Variants in RAET1E observed in about 807,000 individuals in gnomAD.
RAET1E encodes the protein NKG2D ligand 4.
In RAET1E, 27 loss-of-function variants were observed where a neutral mutation model predicts 21.1. That is an observed-to-expected ratio of 1.28 (90% confidence interval 0.94 to 1.76). The LOEUF is 1.76. RAET1E is among the 40% of genes most tolerant of loss of function. The pLI is 0.00. For synonymous variants in RAET1E, 113 were observed against 115.0 expected, an observed-to-expected ratio of 0.98 and a Z score of 0.11; for missense variants, 310 against 311.3, an observed-to-expected ratio of 1.00 and a Z score of 0.03.
rs1163810877 is a variant in RAET1E at position 149,886,556 on chromosome 6, G to A, written c.*1942C>T. Among the ~76,000 whole-genome samples the A allele has an allele frequency of 2.6e-5, 4 of 152,096 alleles. No homozygotes were observed. The highest frequency in any genetic ancestry group is 4.1e-4 in the South Asian group (2 of 4,828). ...ATTACAGGCCCATGCCACCACACCC[G>A]GCTAATTTTTGTATTTTTAGTAGAG... On this transcript the variant is annotated 3_prime_UTR_variant, in exon 6 of 6. Coordinates refer to ENST00000357183, the MANE Select transcript of RAET1E (RefSeq NM_001394057.1).
rs1777499373 is a variant in RAET1E, at chr6:149,883,848, G to A, written c.*4650C>T. The A allele has an allele frequency of 1.3e-5, 2 of 152,730 alleles. No homozygotes were observed. Among genetic ancestry groups the A allele is most frequent in the South Asian group, 2.1e-4 (1 of 4,840 alleles). 9.5% of individuals were successfully genotyped at this position (152,730 alleles called of 1,614,324 possible). A position where few individuals can be genotyped will look rare whatever the true frequency, so the allele number is the denominator to read the frequency against. On this transcript the variant is annotated 3_prime_UTR_variant, in exon 6 of 6. Transcript: ENST00000357183. ...AATTTCAGTGTAATGTGAATTGCAC[G>A]TTTGCTTATGAGTAACTTAGTCTGT...
rs542625077 is a variant in RAET1E, at chr6:149,891,188, A to G, written c.-133-154T>C. Among the ~76,000 whole-genome samples the G allele has an allele frequency of 4.1e-4, 39 of 95,352 alleles. No individual in the cohort carries two copies. In the South Asian group the frequency reaches 0.013, roughly 32 times the overall value. The allele number at this position is 95,352 out of a possible 152,430, so 62.6% of individuals were successfully genotyped here. On this transcript the variant is annotated intron_variant, in intron 2 of 5. Transcript: ENST00000357183. ...CTCTCCTGTCCCTGCTGCCCCTGCAAAAAAAACCCCCTCTGGTGTGAGCAG... is the reference window on the plus strand; with the variant it reads ...CTCTCCTGTCCCTGCTGCCCCTGCAGAAAAAACCCCCTCTGGTGTGAGCAG...
chr6:149,889,790 A>G (rs1423997163), intron 4 of RAET1E, 95 bp downstream of exon 4: 20 of 1,515,282 alleles, frequency 1.3e-5, no homozygotes, highest in Admixed American at 3.6e-5. Context: ...GCCAATGATC[A>G]ATACACAGAT....
At chr6:149,893,530 G>T (rs1777995159) in intron 2 of RAET1E, among the ~76,000 whole-genome samples, 1 of 152,172 alleles carries the variant, frequency 6.6e-6, no homozygotes, top group African/African-American at 2.4e-5. Context: ...AGGAATGCTT[G>T]TGATTTTTGC....
At chr6:149,892,539 AT>A (rs1031821816) in intron 2 of RAET1E, among the ~76,000 whole-genome samples, 2 of 152,084 alleles carry the variant, frequency 1.3e-5, no homozygotes, top group Non-Finnish European at 2.9e-5. Context: ...TACTTTGCCC[AT>A]TTTTTGATGG....
intron 2 of RAET1E, among the ~76,000 whole-genome samples, chr6:149,895,153 G>C (rs990490457): frequency 1.3e-5 from 2 of 152,312 alleles, no homozygotes; most frequent in Middle Eastern, 3.4e-3. Context: ...TGGGGCACCT[G>C]CCAGATGCCA....
In RAET1E at chr6:149,888,668, C is replaced by CG; in HGVS notation, c.623-2_623-1insC. ...ATATCTGAAGCATTTACTGGTGACACTAAAAAAAAAAAAAAAAAGAAAAAA... is the reference window on the plus strand; with the variant it reads ...ATATCTGAAGCATTTACTGGTGACACGTAAAAAAAAAAAAAAAAAGAAAAAA... On this transcript the variant is annotated splice_acceptor_variant, in intron 5 of 5. Coordinates refer to ENST00000357183, the MANE Select transcript of RAET1E (RefSeq NM_001394057.1). LOFTEE classifies it high-confidence loss of function. The CG allele has an allele frequency of 8.2e-7, 1 of 1,213,318 alleles. No homozygotes were observed. Among genetic ancestry groups the CG allele is most frequent in the Non-Finnish European group, 1.0e-6 (1 of 960,696 alleles). 75.2% of individuals were successfully genotyped at this position (1,213,318 alleles called of 1,614,324 possible).
intron 1 of RAET1E, among the ~76,000 whole-genome samples, 188 bp downstream of exon 1, chr6:149,897,833 C>T (rs866091541): frequency 1.3e-5 from 2 of 152,070 alleles, no homozygotes; most frequent in African/African-American, 4.8e-5. Flanking sequence ...AGAGCCACCC[C>T]GTCCTCCCTG....
At position 149,890,943 on chromosome 6, in the gene RAET1E, T is replaced by C. The variant is rs1777867473; in HGVS notation, c.-42A>G. On this transcript the variant is annotated 5_prime_UTR_variant, in exon 3 of 6. Coordinates refer to ENST00000357183, the MANE Select transcript of RAET1E (RefSeq NM_001394057.1). ...GGCAGGAAGCTGGGCGTGTACACAT[T>C]CACCCTCACTGGTATGGTGAAGAAA... The C allele has an allele frequency of 7.5e-7, 1 of 1,327,614 alleles. No individual in the cohort carries two copies. The highest frequency in any genetic ancestry group is 1.2e-5 in the South Asian group (1 of 84,222). 82.2% of individuals were successfully genotyped at this position (1,327,614 alleles called of 1,614,324 possible).
Position 149,890,060 on chromosome 6 carries a change from A to G in RAET1E, c.171T>C (p.Asn57=). The change falls in exon 4 of 6, where the codon AAT becomes AAC. Residue 57 remains asparagine, a synonymous_variant. Coordinates refer to ENST00000357183, the MANE Select transcript of RAET1E (RefSeq NM_001394057.1). ...TGTTGTACTGAAGGAAAAGATTTTTATTCAAGAAGACCTGCGCTTCACACC... is the reference window on the plus strand; with the variant it reads ...TGTTGTACTGAAGGAAAAGATTTTTGTTCAAGAAGACCTGCGCTTCACACC... The part of the protein sequence containing the change: ...QPWCEAQVFL[N]KNLFLQYNSD... The G allele has an allele frequency of 6.2e-7, 1 of 1,614,108 alleles. No individual in the cohort carries two copies. Among genetic ancestry groups the G allele is most frequent in the Non-Finnish European group, 8.5e-7 (1 of 1,179,996 alleles).
At position 149,886,979 on chromosome 6, in the gene RAET1E, T is replaced by A. The variant is rs1777638550; in HGVS notation, c.*1519A>T. On this transcript the variant is annotated 3_prime_UTR_variant, in exon 6 of 6. Coordinates refer to ENST00000357183, the MANE Select transcript of RAET1E (RefSeq NM_001394057.1). ...CTCCCCAAAGGGTGGCAGATATATT[T>A]TTTTCCCCTTGAATTGTAATACACC... is the stretch of plus-strand genomic sequence containing the variant. 6.6e-6 allele frequency among the ~76,000 whole-genome samples: 1 copy of A among 152,124 alleles called. No homozygotes were observed. Among genetic ancestry groups the A allele is most frequent in the Admixed American group, 6.5e-5 (1 of 15,272 alleles).
intron 2 of RAET1E, among the ~76,000 whole-genome samples, chr6:149,893,335 A>G (rs1021219757): frequency 1.3e-5 from 2 of 152,234 alleles, no homozygotes; most frequent in Non-Finnish European, 2.9e-5. Context: ...ATCCATGAGC[A>G]TGGAATGTTT....
intron 5 of RAET1E, 62 bp downstream of exon 5, chr6:149,889,286 A>G (rs996065083): frequency 1.3e-6 from 2 of 1,592,172 alleles, no homozygotes; most frequent in South Asian, 1.1e-5. Context: ...ACTGACACCC[A>G]CACAGGGAAG....
At chr6:149,891,823 C>T (rs1298114272) in intron 2 of RAET1E, among the ~76,000 whole-genome samples, 1 of 152,138 alleles carries the variant, frequency 6.6e-6, no homozygotes, top group Non-Finnish European at 1.5e-5. Context: ...TAGTTTGCTG[C>T]ACCCATCAAC....
In RAET1E at chr6:149,888,606, G is replaced by A; in HGVS notation, c.684C>T (p.Ile228=). 6.2e-7 allele frequency: 1 copy of A among 1,601,246 alleles called. No individual in the cohort carries two copies. Among genetic ancestry groups the A allele is most frequent in the Non-Finnish European group, 8.5e-7 (1 of 1,176,256 alleles). The change falls in exon 6 of 6, where the codon ATC becomes ATT. Residue 228 remains isoleucine (I), a synonymous_variant. Transcript: ENST00000357183. ...CTAACAGGATGAATGCCCCCAGGAT[G>A]ATCCATCTATCTGGTAGACTAGAAG... is the stretch of plus-strand genomic sequence containing the variant. ...WSSSSLPDRW[I]ILGAFILLVL...
chr6:149,889,222 C>G lies in RAET1E; in HGVS notation c.622+126G>C. Reference sequence around the variant, plus strand: ...GAAATCCTTATAGCCATCACTGACTCTCCAGACAGGAAGCCCACGGAGAAG... The same window carrying G: ...GAAATCCTTATAGCCATCACTGACTGTCCAGACAGGAAGCCCACGGAGAAG... On this transcript the variant is annotated intron_variant, in intron 5 of 5. Transcript: ENST00000357183. 3 of 1,471,382 alleles carry G rather than the reference C, an allele frequency of 2.0e-6. No homozygotes were observed. In the South Asian group the frequency reaches 4.2e-5, roughly 21 times the overall value. The allele number at this position is 1,471,382 out of a possible 1,614,324, so 91.1% of individuals were successfully genotyped here. A position where few individuals can be genotyped will look rare whatever the true frequency, so the allele number is the denominator to read the frequency against.
In RAET1E at chr6:149,889,935, C is replaced by G; in HGVS notation, c.296G>C (p.Arg99Pro). The change falls in exon 4 of 6, where the codon CGA becomes CCA. Residue 99 changes from arginine to proline, a missense_variant. Coordinates refer to ENST00000357183, the MANE Select transcript of RAET1E (RefSeq NM_001394057.1). The part of the protein sequence containing the change: ...ELTQTLGEVG[R>P]DLRMLLCDIK... ...GTCACAAAGGAGCATCCTGAGGTCT[C>G]GCCCCACTTCTCCCAGCGTTTGGGT... 6.2e-7 allele frequency: 1 copy of G among 1,614,012 alleles called. No individual in the cohort carries two copies. Among genetic ancestry groups the G allele is most frequent in the Non-Finnish European group, 8.5e-7 (1 of 1,179,986 alleles).
chr6:149,884,443 T>TC lies in RAET1E; in HGVS notation c.*4054dup. The TC allele has an allele frequency of 6.5e-7, 1 of 1,529,864 alleles. No individual in the cohort carries two copies. The highest frequency in any genetic ancestry group is 8.8e-7 in the Non-Finnish European group (1 of 1,141,442). The allele number at this position is 1,529,864 out of a possible 1,614,324, so 94.8% of individuals were successfully genotyped here. ...CAGTGGGAGCCAAGGCTGTCAGCGA[T>TC]CGAGGACCACAGGTGAACAACTCTG... is the stretch of plus-strand genomic sequence containing the variant. On this transcript the variant is annotated 3_prime_UTR_variant, in exon 6 of 6. Coordinates refer to ENST00000357183, the MANE Select transcript of RAET1E (RefSeq NM_001394057.1).
intron 3 of RAET1E, 143 bp from the exon 4 acceptor site, chr6:149,890,288 A>T (rs1777829833): frequency 6.2e-6 from 5 of 807,592 alleles, no homozygotes; most frequent in Non-Finnish European, 9.8e-6. Context: ...AACCTTCTGG[A>T]TCCCTGTTCC....
Sources: gnomAD v4.1 joint callset for allele counts (sites outside exome capture counted in the v4.1 genomes callset) on GRCh38, gnomAD v4.1.1 for gene constraint, MANE v1.5 for transcripts, NCBI Gene and HGNC (gene_info 2026-07-23, HGNC 2026-07-21) for gene names.